PTGER3: variants seen among roughly 807,000 people sequenced by gnomAD.
The protein encoded by PTGER3 is prostaglandin E receptor 3.
In PTGER3, 22 loss-of-function variants were observed where a neutral mutation model predicts 34.7. The observed-to-expected ratio is 0.63, with a 90% CI of 0.45 to 0.91. PTGER3 has a LOEUF of 0.91. Among genes scored for constraint, PTGER3 ranks in the 40% least tolerant of loss-of-function variants. The probability of loss-of-function intolerance (pLI) is 0.00; values close to 1 mark genes in which losing one functional copy is unlikely to be tolerated. For synonymous variants in PTGER3, 241 were observed against 230.1 expected (o/e 1.05, Z -0.43); for missense variants, 468 against 519.4 (o/e 0.90, Z 0.96).
At chr1:70,997,348 A>G (rs1475668956) in intron 2 of PTGER3, 1 of 152,180 alleles carries the variant, frequency 6.6e-6, no homozygotes, top group Non-Finnish European at 1.5e-5. Context: ...AAATATATAC[A>G]TAACAGGTTA....
At chr1:70,853,157 G>T (rs993853058) in intron 4 of PTGER3, among the ~76,000 whole-genome samples, 8 of 152,170 alleles carry the variant, frequency 5.3e-5, no homozygotes, top group African/African-American at 1.9e-4. Flanking sequence ...TAAGACATGT[G>T]AGAATGCCCA....
chr1:71,032,325 A>G (rs1659480658), intron 1 of PTGER3, among the ~76,000 whole-genome samples: 1 of 152,188 alleles, frequency 6.6e-6, no homozygotes, highest in Non-Finnish European at 1.5e-5. Flanking sequence ...TAGAAAACTC[A>G]TACTAGTCTT....
chr1:70,966,775 G>A (rs923332688), downstream of PTGER3, among the ~76,000 whole-genome samples: 1 of 152,120 alleles, frequency 6.6e-6, no homozygotes, highest in South Asian at 2.1e-4. Flanking sequence ...CAAAGGACAT[G>A]ATCTCATTCC....
At chr1:70,949,877 T>C (rs934928437), downstream of PTGER3, among the ~76,000 whole-genome samples, 6 of 152,166 alleles carry the variant, frequency 3.9e-5, no homozygotes, top group Non-Finnish European at 5.9e-5. Flanking sequence ...AGAGAGAGGC[T>C]TGCTGGGGAT....
chr1:70,992,777 AC>A (rs1365822620), intron 2 of PTGER3, among the ~76,000 whole-genome samples: 1 of 152,068 alleles, frequency 6.6e-6, no homozygotes, highest in Non-Finnish European at 1.5e-5. Context: ...TTAAAGCCTC[AC>A]CCTACACTAT....
intron 4 of PTGER3, among the ~76,000 whole-genome samples, chr1:70,912,678 C>T (rs567703002): frequency 1.3e-5 from 2 of 151,946 alleles, no homozygotes; most frequent in African/African-American, 4.8e-5. Context: ...ATGCAAAAAC[C>T]CTTCTATTTT....
At chr1:70,903,299 G>A (rs764986107) in intron 4 of PTGER3, among the ~76,000 whole-genome samples, 4 of 152,198 alleles carry the variant, frequency 2.6e-5, no homozygotes, top group South Asian at 4.1e-4. Flanking sequence ...AATAGTTTTG[G>A]GTAGTTTTAA....
At chr1:70,929,572 G>T (rs557794274) in intron 4 of PTGER3, among the ~76,000 whole-genome samples, 1 of 152,082 alleles carries the variant, frequency 6.6e-6, no homozygotes, top group Non-Finnish European at 1.5e-5. Context: ...CCTAAAACAG[G>T]TCTCTCTGAG....
chr1:70,914,548 C>T (rs1026444806), intron 4 of PTGER3, among the ~76,000 whole-genome samples: 3 of 151,866 alleles, frequency 2.0e-5, no homozygotes, highest in Non-Finnish European at 4.4e-5. Context: ...ACCCCTTACT[C>T]TTCTCATAAA....
chr1:71,021,409 A>G (rs1658407791), intron 1 of PTGER3, among the ~76,000 whole-genome samples: 1 of 152,168 alleles, frequency 6.6e-6, no homozygotes, highest in South Asian at 2.1e-4. Flanking sequence ...CTAAGTAAGT[A>G]TTCAAATTCT....
At chr1:71,011,852 T>C (rs1657475933) in intron 2 of PTGER3, 1 of 1,019,280 alleles carries the variant, frequency 9.8e-7, no homozygotes, top group African/African-American at 1.7e-5. Context: ...ATCCCTTGTC[T>C]TCAATGATGT....
At chr1:70,948,209 T>C (rs2100571527), downstream of PTGER3, among the ~76,000 whole-genome samples, 1 of 152,210 alleles carries the variant, frequency 6.6e-6, no homozygotes, top group East Asian at 1.9e-4. Context: ...AAATCTCTGC[T>C]TGAATTATAC....
chr1:70,937,755 GGTTA>G (rs1260706381), intron 4 of PTGER3, among the ~76,000 whole-genome samples: 1 of 151,710 alleles, frequency 6.6e-6, no homozygotes, highest in African/African-American at 2.4e-5. Flanking sequence ...TTTATTTAAT[GGTTA>G]ATTAAATATA....
intron 1 of PTGER3, among the ~76,000 whole-genome samples, chr1:71,021,183 T>C (rs111502849): frequency 3.9e-5 from 6 of 152,226 alleles, no homozygotes; most frequent in African/African-American, 1.2e-4. Flanking sequence ...ACTTTAAAAA[T>C]GTTTAGTAAT....
chr1:71,005,415 A>C (rs1656867331), intron 2 of PTGER3, among the ~76,000 whole-genome samples: 1 of 152,174 alleles, frequency 6.6e-6, no homozygotes, highest in Admixed American at 6.5e-5. Flanking sequence ...TTTCCCCAAA[A>C]TGAGGATTAA....
chr1:70,956,694 C>A (rs1651370901), intron 2 of PTGER3, among the ~76,000 whole-genome samples: 1 of 152,120 alleles, frequency 6.6e-6, no homozygotes, highest in Non-Finnish European at 1.5e-5. Context: ...TTGACCCAAA[C>A]TCAAGATGAA....
At chr1:70,983,587 C>A (rs1391503482) in intron 2 of PTGER3, among the ~76,000 whole-genome samples, 2 of 152,270 alleles carry the variant, frequency 1.3e-5, no homozygotes, top group Non-Finnish European at 2.9e-5. Flanking sequence ...CTGAGTGACA[C>A]TAGTTATGAT....
chr1:70,877,010 A>G (rs946829418), intron 4 of PTGER3, among the ~76,000 whole-genome samples: 3 of 152,188 alleles, frequency 2.0e-5, no homozygotes, highest in African/African-American at 4.8e-5. Context: ...TGGTAGTTTG[A>G]TAGAAATTGC....
intron 4 of PTGER3, among the ~76,000 whole-genome samples, chr1:70,939,405 G>C (rs1049660269): frequency 6.6e-6 from 1 of 152,232 alleles, no homozygotes; most frequent in Non-Finnish European, 1.5e-5. Context: ...GGGTCTGGAG[G>C]AAGGTGGCCC....
Sources: allele counts gnomAD v4.1 joint callset (sites outside exome capture counted in the v4.1 genomes callset), GRCh38; gene constraint gnomAD v4.1.1; transcripts MANE v1.5; gene names NCBI Gene and HGNC (gene_info 2026-07-23, HGNC 2026-07-21).